DSCAML1: variants seen among roughly 807,000 people sequenced by gnomAD.
DSCAML1 encodes DS cell adhesion molecule like 1.
DSCAML1 carries 38 observed loss-of-function variants against 200.5 expected under a neutral mutation model. The observed-to-expected ratio is 0.19, with a 90% CI of 0.15 to 0.25. The LOEUF (loss-of-function observed/expected upper bound fraction) is 0.25, where lower values mean the gene tolerates loss of function less well. DSCAML1 is among the 10% of genes least tolerant of loss of function. DSCAML1 has a pLI of 1.00. For missense variants in DSCAML1, 2,223 were observed against 2,858.8 expected (o/e 0.78, Z 5.07); for synonymous variants, 1,215 against 1,165.0 (o/e 1.04, Z -0.87).
chr11:117,788,069 T>A (rs915781553), intron 1 of DSCAML1, among the ~76,000 whole-genome samples: 3 of 152,162 alleles, frequency 2.0e-5, no homozygotes, highest in Non-Finnish European at 4.4e-5. Flanking sequence ...CCCTTTATGT[T>A]GCATCTTGGA....
At chr11:117,569,382 A>G (rs2050809357) in intron 3 of DSCAML1, among the ~76,000 whole-genome samples, 1 of 152,242 alleles carries the variant, frequency 6.6e-6, no homozygotes, top group South Asian at 2.1e-4. Flanking sequence ...GATCTAATTA[A>G]ACTAAAGAGC....
rs2242133 is a variant in DSCAML1, at chr11:117,433,480, C to T, written c.4877-9G>A. 0.18 allele frequency: 291,385 copies of T among 1,611,014 alleles called. 28,337 individuals carry two copies. Among genetic ancestry groups the T allele is most frequent in the South Asian group, 0.32 (29,047 of 90,082 alleles). Reference sequence around the variant, plus strand: ...TGCCAAACTCTTTGCATCTGCAAAACAGTAGAGGGAGAGGAGGGCTGGGTG... The same window carrying T: ...TGCCAAACTCTTTGCATCTGCAAAATAGTAGAGGGAGAGGAGGGCTGGGTG... On this transcript the variant is annotated splice_polypyrimidine_tract_variant and intron_variant, in intron 27 of 32. Transcript: ENST00000651296.
intron 3 of DSCAML1, among the ~76,000 whole-genome samples, chr11:117,591,294 C>G (rs2051254984): frequency 6.6e-6 from 1 of 152,170 alleles, no homozygotes; most frequent in Admixed American, 6.5e-5. Context: ...CCAAAGTTTG[C>G]CTTCTGCTTC....
intron 3 of DSCAML1, among the ~76,000 whole-genome samples, chr11:117,590,515 C>G (rs529737380): frequency 9.7e-4 from 147 of 152,262 alleles, no homozygotes; most frequent in Non-Finnish European, 1.2e-3. Flanking sequence ...ACTGACTGCC[C>G]CACGCCCAGT....
intron 3 of DSCAML1, among the ~76,000 whole-genome samples, chr11:117,724,259 A>T (rs2054086704): frequency 6.6e-6 from 1 of 152,222 alleles, no homozygotes; most frequent in Non-Finnish European, 1.5e-5. Context: ...CTGAGGCCAT[A>T]GGAGAAGTCA....
intron 3 of DSCAML1, among the ~76,000 whole-genome samples, chr11:117,634,473 C>T (rs566995001): frequency 2.0e-5 from 3 of 152,178 alleles, no homozygotes; most frequent in Non-Finnish European, 4.4e-5. Flanking sequence ...CGTCCAGCTC[C>T]TAGATGAAGC....
In DSCAML1 at chr11:117,524,550, G is replaced by A. The variant is rs184779708; in HGVS notation, c.937+255C>T. On this transcript the variant is annotated intron_variant, in intron 5 of 32. Coordinates refer to ENST00000651296, the MANE Select transcript of DSCAML1 (RefSeq NM_020693.4). ...ACCACTTTCCCATTTTACAGAGAAC[G>A]GCACTGAGCTGATGGTCATGGTTAT... 6.6e-5 allele frequency among the ~76,000 whole-genome samples: 10 copies of A among 152,316 alleles called. No homozygotes were observed. In the East Asian group the frequency reaches 1.2e-3, roughly 18 times the overall value.
At chr11:117,729,888 A>C (rs776585570) in intron 3 of DSCAML1, among the ~76,000 whole-genome samples, 2 of 152,200 alleles carry the variant, frequency 1.3e-5, no homozygotes, top group Non-Finnish European at 2.9e-5. Context: ...GGCCCAATGT[A>C]ATTGCAAAGG....
chr11:117,609,148 G>C (rs566483582), intron 3 of DSCAML1, among the ~76,000 whole-genome samples: 1 of 151,280 alleles, frequency 6.6e-6, no homozygotes, highest in Non-Finnish European at 1.5e-5. Flanking sequence ...GCAGTGAGCC[G>C]AGATCGTGCC....
intron 1 of DSCAML1, among the ~76,000 whole-genome samples, chr11:117,794,349 T>A (rs2055533358): frequency 1.3e-5 from 2 of 152,168 alleles, no homozygotes; most frequent in Non-Finnish European, 2.9e-5. Flanking sequence ...TGGATTTGTT[T>A]TGGCAATAAT....
chr11:117,738,033 C>T (rs2054351554), intron 3 of DSCAML1, among the ~76,000 whole-genome samples: 1 of 152,140 alleles, frequency 6.6e-6, no homozygotes, highest in Non-Finnish European at 1.5e-5. Context: ...GAAGCAATTG[C>T]AGGCTGCATG....
intron 3 of DSCAML1, among the ~76,000 whole-genome samples, chr11:117,772,809 C>G (rs904277612): frequency 1.3e-5 from 2 of 152,190 alleles, no homozygotes; most frequent in Non-Finnish European, 2.9e-5. Flanking sequence ...CCAACCCTGC[C>G]AGCCTTGGAG....
chr11:117,634,997 T>A (rs1297040579), intron 3 of DSCAML1, among the ~76,000 whole-genome samples: 2 of 152,106 alleles, frequency 1.3e-5, no homozygotes, highest in South Asian at 2.1e-4. Flanking sequence ...AGTCCTCTCC[T>A]CCCTCAGCTG....
intron 11 of DSCAML1, among the ~76,000 whole-genome samples, chr11:117,484,311 G>A (rs554561655): frequency 1.3e-3 from 205 of 152,262 alleles, no homozygotes; most frequent in African/African-American, 4.8e-3. Context: ...GGTGGATGAA[G>A]GGAGGTTTCA....
chr11:117,574,811 TAGAGGA>T (rs1297079209), intron 3 of DSCAML1, among the ~76,000 whole-genome samples: 3 of 152,058 alleles, frequency 2.0e-5, no homozygotes, highest in African/African-American at 7.2e-5. Context: ...GAGCAGTACT[TAGAGGA>T]AAAGAGTCCA....
rs2048121382 is a variant in DSCAML1 at position 117,443,891 on chromosome 11, C to T, written c.3857G>A (p.Gly1286Asp). Residue 1286 changes from glycine to aspartate, a missense_variant, in exon 21 of 33, where the codon GGC (glycine) becomes GAC (aspartate). Gly to Asp is a moderately conservative substitution (Grantham distance 94, BLOSUM62 -1). Around this residue, in one of 7 missense-constraint regions of DSCAML1, gnomAD observed 614 missense variants for 739.1 expected, o/e 0.83. Coordinates refer to ENST00000651296, the MANE Select transcript of DSCAML1 (RefSeq NM_020693.4). ...SSEKVTIEPA[G>D]KAPAKIISFG... Reference sequence around the variant, plus strand: ...CACAGCCTCAGGCTTCTCACCCTTGCCAGCAGGCTCGATGGTCACCTTCTC... The same window carrying T: ...CACAGCCTCAGGCTTCTCACCCTTGTCAGCAGGCTCGATGGTCACCTTCTC... 1.2e-6 allele frequency: 2 copies of T among 1,603,178 alleles called. No individual in the cohort carries two copies. Among genetic ancestry groups the T allele is most frequent in the East Asian group, 2.2e-5 (1 of 44,730 alleles).
intron 3 of DSCAML1, among the ~76,000 whole-genome samples, chr11:117,758,518 C>T (rs1005465695): frequency 1.6e-4 from 25 of 151,844 alleles, no homozygotes; most frequent in South Asian, 2.1e-4. Context: ...TCTCCTGCCT[C>T]AGCCTCCCGA....
chr11:117,624,835 G>A (rs987508898), intron 3 of DSCAML1, among the ~76,000 whole-genome samples: 3 of 152,120 alleles, frequency 2.0e-5, no homozygotes, highest in African/African-American at 4.8e-5. Context: ...TCTCTGGCAG[G>A]GGCACAGATT....
At chr11:117,448,077 A>C (rs977711363) in intron 20 of DSCAML1, among the ~76,000 whole-genome samples, 2 of 152,192 alleles carry the variant, frequency 1.3e-5, no homozygotes, top group East Asian at 3.9e-4. Context: ...AGACATGAAG[A>C]AGATGGAGGG....
Sources: allele counts gnomAD v4.1 joint callset (sites outside exome capture counted in the v4.1 genomes callset), GRCh38; gene constraint gnomAD v4.1.1; regional missense constraint gnomAD v4.1.1; transcripts MANE v1.5; gene names NCBI Gene and HGNC (gene_info 2026-07-23, HGNC 2026-07-21).